Variants in ALK observed in about 807,000 individuals in gnomAD.
ALK encodes ALK receptor tyrosine kinase.
ALK carries 74 observed loss-of-function variants against 163.1 expected under a neutral mutation model. The observed-to-expected ratio is 0.45, with a 90% CI of 0.38 to 0.55. The LOEUF (loss-of-function observed/expected upper bound fraction) is 0.55, where lower values mean the gene tolerates loss of function less well. Among genes scored for constraint, ALK ranks in the 20% least tolerant of loss-of-function variants. The pLI is 0.00. For synonymous variants in ALK, 960 were observed against 843.2 expected (o/e 1.14, Z -2.40); for missense variants, 2,063 against 2,105.3 (o/e 0.98, Z 0.39).
chr2:29,572,412 G>A (rs1000098063), intron 3 of ALK, among the ~76,000 whole-genome samples: 2 of 152,184 alleles, frequency 1.3e-5, no homozygotes, highest in African/African-American at 4.8e-5. Flanking sequence ...TCCTAGGGAA[G>A]CAGCACACTT....
intron 1 of ALK, among the ~76,000 whole-genome samples, chr2:29,725,154 C>CAAAAAAAAAAAAAAA (rs757959526): frequency 3.0e-5 from 2 of 67,370 alleles, no homozygotes; most frequent in African/African-American, 1.4e-4. Context: ...TATCCTATAC[C>CAAAAAAAAAAAAAAA]AAAAAAAAAA....
chr2:29,292,989 C>T (rs1015735448), intron 9 of ALK, among the ~76,000 whole-genome samples: 1 of 152,142 alleles, frequency 6.6e-6, no homozygotes, highest in Non-Finnish European at 1.5e-5. Flanking sequence ...GACCAGGGCA[C>T]CCAATTAGGA....
chr2:29,634,756 A>AGTT (rs1410776474), intron 3 of ALK, among the ~76,000 whole-genome samples: 7 of 152,236 alleles, frequency 4.6e-5, no homozygotes, highest in African/African-American at 1.7e-4. Context: ...TAGTACTGGA[A>AGTT]GTTATAGTCA....
chr2:29,425,646 A>C (rs944040451), intron 4 of ALK, among the ~76,000 whole-genome samples: 9 of 152,176 alleles, frequency 5.9e-5, no homozygotes, highest in African/African-American at 1.4e-4. Context: ...TGTCACTCTA[A>C]GAAAAGTGGG....
At chr2:29,459,999 T>C (rs1001093526) in intron 4 of ALK, among the ~76,000 whole-genome samples, 2 of 152,122 alleles carry the variant, frequency 1.3e-5, no homozygotes, top group Non-Finnish European at 2.9e-5. Flanking sequence ...TCTAAGCAAG[T>C]ACACAGTGGA....
At chr2:29,300,613 T>C (rs56013930) in intron 8 of ALK, among the ~76,000 whole-genome samples, 23,095 of 147,928 alleles carry the variant, frequency 0.16, 1,899 homozygotes, top group Middle Eastern at 0.2. Context: ...TTCTAAGCCA[T>C]GGTGGAGGGG....
intron 23 of ALK, among the ~76,000 whole-genome samples, chr2:29,220,448 T>C (rs1395589178): frequency 6.6e-6 from 1 of 152,202 alleles, no homozygotes; most frequent in Non-Finnish European, 1.5e-5. Context: ...GTAGTTCTTA[T>C]ATAAATGCAA....
intron 1 of ALK, among the ~76,000 whole-genome samples, chr2:29,917,446 A>G (rs1490033383): frequency 6.6e-6 from 1 of 152,240 alleles, no homozygotes; most frequent in Non-Finnish European, 1.5e-5. Context: ...TAAATAGCAA[A>G]ATCAATCCCA....
At position 29,674,386 on chromosome 2, in the gene ALK, G is replaced by T. The variant is rs1039720739; in HGVS notation, c.952+20464C>A. Among the ~76,000 whole-genome samples the T allele has an allele frequency of 2.5e-3, 374 of 151,456 alleles. 3 individuals are homozygous for T. The highest frequency in any genetic ancestry group is 8.0e-3 in the African/African-American group (330 of 41,236). On this transcript the variant is annotated intron_variant, in intron 3 of 28. Coordinates refer to ENST00000389048, the MANE Select transcript of ALK (RefSeq NM_004304.5). ...TTTATTGGGAGTTTTTAGCATGAAG[G>T]GTTGTTGAATTTTGTCAAAGGCCTT...
chr2:29,257,304 A>C (rs1336679498), intron 11 of ALK, among the ~76,000 whole-genome samples: 1 of 152,250 alleles, frequency 6.6e-6, no homozygotes. Flanking sequence ...AACATAGTTT[A>C]ATACTCATTC....
At chr2:29,755,722 T>C (rs545490346) in intron 1 of ALK, among the ~76,000 whole-genome samples, 2 of 152,184 alleles carry the variant, frequency 1.3e-5, no homozygotes, top group African/African-American at 4.8e-5. Flanking sequence ...AGTGGGGAGA[T>C]TGAGGCTCAT....
chr2:29,427,378 T>C (rs1206811785), intron 4 of ALK, among the ~76,000 whole-genome samples: 2 of 152,180 alleles, frequency 1.3e-5, no homozygotes, highest in East Asian at 3.9e-4. Flanking sequence ...ACATGTATAG[T>C]TGTAATATGT....
chr2:29,823,983 G>T lies in ALK; in HGVS notation c.667+96010C>A, dbSNP rs576339575. Among the ~76,000 whole-genome samples the T allele has an allele frequency of 2.0e-4, 31 of 152,300 alleles. 1 individual carries two copies. In the South Asian group the frequency reaches 6.4e-3, roughly 32 times the overall value. On this transcript the variant is annotated intron_variant, in intron 1 of 28. Transcript: ENST00000389048. ...CATCACAGGCCCAGAGGCCTAGGAG[G>T]AAAACATTGTTTGGTGGGCTGGGCC...
intron 4 of ALK, among the ~76,000 whole-genome samples, chr2:29,475,030 TA>T (rs10712512): frequency 0.16 from 24,416 of 152,076 alleles, 2,185 homozygotes; most frequent in East Asian, 0.35. Flanking sequence ...GGCTCCTGTG[TA>T]CCCCCTGCTC....
chr2:29,846,132 C>T (rs1478203350), intron 1 of ALK, among the ~76,000 whole-genome samples: 1 of 152,200 alleles, frequency 6.6e-6, no homozygotes, highest in Non-Finnish European at 1.5e-5. Flanking sequence ...CTGCCAATCT[C>T]TCTGATCTCA....
intron 1 of ALK, among the ~76,000 whole-genome samples, chr2:29,825,760 T>C (rs1665179669): frequency 6.6e-6 from 1 of 151,636 alleles, no homozygotes; most frequent in East Asian, 1.9e-4. Context: ...CAGATGAAGG[T>C]AAAAGAAACA....
At chr2:29,821,547 C>T (rs1219112257) in intron 1 of ALK, among the ~76,000 whole-genome samples, 1 of 152,142 alleles carries the variant, frequency 6.6e-6, no homozygotes, top group Admixed American at 6.5e-5. Flanking sequence ...CCTGAAAGGT[C>T]CAAGACCAAC....
intron 1 of ALK, among the ~76,000 whole-genome samples, chr2:29,834,533 T>C (rs1329243224): frequency 6.6e-6 from 1 of 152,184 alleles, no homozygotes; most frequent in African/African-American, 2.4e-5. Flanking sequence ...TCAAAGTTCT[T>C]AGTGAAGTTT....
intron 5 of ALK, among the ~76,000 whole-genome samples, chr2:29,342,944 G>A (rs546489428): frequency 7.8e-5 from 11 of 140,738 alleles, no homozygotes; most frequent in South Asian, 7.1e-4. Flanking sequence ...GTGCAGTGGC[G>A]CGATCTCTGC....
Sources: gnomAD v4.1 joint callset for allele counts (sites outside exome capture counted in the v4.1 genomes callset) on GRCh38, gnomAD v4.1.1 for gene constraint, MANE v1.5 for transcripts, NCBI Gene and HGNC (gene_info 2026-07-23, HGNC 2026-07-21) for gene names.